The following DLGAP2 variants were observed in gnomAD, a reference collection of about 807,000 sequenced individuals.
The protein encoded by DLGAP2 is disks large-associated protein 2.
A neutral mutation model predicts 100.3 loss-of-function variants in DLGAP2; 26 were observed. The observed-to-expected ratio is 0.26, with a 90% CI of 0.19 to 0.36. The LOEUF (loss-of-function observed/expected upper bound fraction) is 0.36. DLGAP2 is among the 10% of genes least tolerant of loss of function. DLGAP2 has a pLI of 1.00. For synonymous variants in DLGAP2, 886 were observed against 630.1 expected, an observed-to-expected ratio of 1.41 and a Z score of -6.08; for missense variants, 1,858 against 1,453.2, an observed-to-expected ratio of 1.28 and a Z score of -4.53.
intron 1 of DLGAP2, among the ~76,000 whole-genome samples, chr8:797,338 C>G (rs1243109230): frequency 2.0e-5 from 3 of 152,240 alleles, no homozygotes; most frequent in African/African-American, 4.8e-5. Flanking sequence ...TTATTTCACT[C>G]AATGTAGCGT....
rs568933412 is a variant in DLGAP2 at position 1,477,107 on chromosome 8, A to C, written c.107-24259A>C. The stretch of plus-strand genomic sequence containing the variant: ...TCACTGCCGCAGGCACTGCACACAT[A>C]GCCTTTTATCTCAAGAGGGCTTGAC... On this transcript the variant is annotated intron_variant, in intron 3 of 14. Coordinates refer to ENST00000637795, the MANE Select transcript of DLGAP2 (RefSeq NM_001346810.2). 1.2e-4 allele frequency among the ~76,000 whole-genome samples: 18 copies of C among 144,576 alleles called. 1 individual carries two copies. The South Asian group carries it at 4.8e-3, about 38-fold the overall frequency. The allele number at this position is 144,576 out of a possible 152,430, so 94.8% of individuals were successfully genotyped here. A position where few individuals can be genotyped will look rare whatever the true frequency, so the allele number is the denominator to read the frequency against.
At chr8:872,938 G>A (rs187344257) in intron 1 of DLGAP2, among the ~76,000 whole-genome samples, 122 of 152,224 alleles carry the variant, frequency 8.0e-4, no homozygotes, top group Non-Finnish European at 1.2e-3. Flanking sequence ...ATGGCAAAAG[G>A]CTATTTTTGC....
intron 2 of DLGAP2, among the ~76,000 whole-genome samples, chr8:1,071,239 C>A (rs1344611483): frequency 6.6e-6 from 1 of 152,182 alleles, no homozygotes; most frequent in Non-Finnish European, 1.5e-5. Context: ...CTAGAGTAAC[C>A]CAGCATTAAG....
At chr8:869,424 T>A (rs1463742039) in intron 1 of DLGAP2, among the ~76,000 whole-genome samples, 1 of 152,206 alleles carries the variant, frequency 6.6e-6, no homozygotes. Context: ...GTGTTTTCTC[T>A]TTCAGCAAAA....
chr8:1,312,230 C>A (rs1013662942), intron 3 of DLGAP2, among the ~76,000 whole-genome samples: 1 of 152,182 alleles, frequency 6.6e-6, no homozygotes, highest in Non-Finnish European at 1.5e-5. Context: ...ATATAAAACA[C>A]AGGGTCTAGA....
chr8:928,685 C>T (rs1798873343), intron 2 of DLGAP2, among the ~76,000 whole-genome samples: 1 of 152,118 alleles, frequency 6.6e-6, no homozygotes, highest in African/African-American at 2.4e-5. Context: ...CTTTGCCTTG[C>T]ACCCCGGGTC....
intron 3 of DLGAP2, among the ~76,000 whole-genome samples, chr8:1,428,756 G>A (rs1157214180): frequency 1.3e-5 from 2 of 152,226 alleles, no homozygotes; most frequent in Non-Finnish European, 2.9e-5. Context: ...AAGCTTTGCA[G>A]GCAGGAAGAG....
At chr8:779,021 G>T (rs981595355) in intron 1 of DLGAP2, among the ~76,000 whole-genome samples, 2 of 152,268 alleles carry the variant, frequency 1.3e-5, no homozygotes, top group Admixed American at 6.5e-5. Flanking sequence ...CTCTGAGCCA[G>T]GTGCAGGATA....
At position 1,267,595 on chromosome 8, in the gene DLGAP2, AG is replaced by A. The variant is rs1188656439; in HGVS notation, c.106+8713del. Among the ~76,000 whole-genome samples the A allele has an allele frequency of 4.9e-4, 25 of 51,074 alleles. 1 individual carries two copies. The highest frequency in any genetic ancestry group is 1.3e-3 in the African/African-American group (14 of 10,566). The allele number at this position is 51,074 out of a possible 152,430, so 33.5% of individuals were successfully genotyped here. A position where few individuals can be genotyped will look rare whatever the true frequency, so the allele number is the denominator to read the frequency against. The stretch of plus-strand genomic sequence containing the variant: ...AAATAAAATAAAATAAAATAAGATA[AG>A]ATAAGATAAGATAAGATAAGATAAG... On this transcript the variant is annotated intron_variant, in intron 3 of 14. Coordinates refer to ENST00000637795, the MANE Select transcript of DLGAP2 (RefSeq NM_001346810.2).
chr8:1,160,059 C>G (rs534158243), intron 2 of DLGAP2, among the ~76,000 whole-genome samples: 2 of 152,224 alleles, frequency 1.3e-5, no homozygotes, highest in African/African-American at 4.8e-5. Flanking sequence ...TGAGCCCCCA[C>G]GGCACCTCAC....
intron 8 of DLGAP2, among the ~76,000 whole-genome samples, chr8:1,636,694 A>T (rs550372937): frequency 4.6e-5 from 7 of 152,230 alleles, no homozygotes; most frequent in African/African-American, 1.4e-4. Flanking sequence ...GGAAATTTTC[A>T]TCGTGGACTA....
chr8:1,211,823 C>T lies in DLGAP2; in HGVS notation c.74-47028C>T, dbSNP rs531697013. Among the ~76,000 whole-genome samples, 18 of 152,246 alleles carry T rather than the reference C, an allele frequency of 1.2e-4. No homozygotes were observed. In the South Asian group the frequency reaches 1.2e-3, roughly 11 times the overall value. On this transcript the variant is annotated intron_variant, in intron 2 of 14. Coordinates refer to ENST00000637795, the MANE Select transcript of DLGAP2 (RefSeq NM_001346810.2). Reference sequence around the variant, plus strand: ...CCGGGAGGTGGAGGTTGCAGTGAGCCGATATCGTGCCATTGCACTCCAGCC... The same window carrying T: ...CCGGGAGGTGGAGGTTGCAGTGAGCTGATATCGTGCCATTGCACTCCAGCC...
chr8:1,333,091 C>T (rs901054950), intron 3 of DLGAP2, among the ~76,000 whole-genome samples: 4 of 152,308 alleles, frequency 2.6e-5, no homozygotes, highest in Non-Finnish European at 4.4e-5. Context: ...GCTCTTCATG[C>T]CTCCGGGCGG....
intron 2 of DLGAP2, among the ~76,000 whole-genome samples, chr8:1,094,635 C>T (rs1202450491): frequency 6.6e-6 from 1 of 152,196 alleles, no homozygotes; most frequent in Non-Finnish European, 1.5e-5. Flanking sequence ...TATGAGGCTT[C>T]TTTAGGGATT....
chr8:1,451,303 C>A (rs1798153827), intron 3 of DLGAP2, among the ~76,000 whole-genome samples: 1 of 152,118 alleles, frequency 6.6e-6, no homozygotes, highest in Non-Finnish European at 1.5e-5. Context: ...CAGACTCAGT[C>A]CCTGGGGGAG....
intron 1 of DLGAP2, among the ~76,000 whole-genome samples, chr8:748,238 G>A (rs1820699536): frequency 7.0e-6 from 1 of 141,928 alleles, no homozygotes; most frequent in South Asian, 2.2e-4. Context: ...GGTGGGATGG[G>A]CGGGTCTGCG....
At position 1,048,149 on chromosome 8, in the gene DLGAP2, G is replaced by C. The variant is rs185830151; in HGVS notation, c.73+140183G>C. ...CTAAGCCTCAGATTTTTAATCTACA[G>C]AATACAAACGAACTGGATAGAACTG... On this transcript the variant is annotated intron_variant, in intron 2 of 14. Transcript: ENST00000637795. Among the ~76,000 whole-genome samples, 6 of 152,202 alleles carry C rather than the reference G, an allele frequency of 3.9e-5. No individual in the cohort carries two copies. In the East Asian group the frequency reaches 1.2e-3, roughly 30 times the overall value.
At chr8:1,165,268 GGAGACA>G (rs1796992729) in intron 2 of DLGAP2, among the ~76,000 whole-genome samples, 2 of 151,646 alleles carry the variant, frequency 1.3e-5, no homozygotes, top group South Asian at 4.2e-4. Flanking sequence ...GGAGAAGAAG[GGAGACA>G]GAGACAGAGA....
rs1453171760 is a variant in DLGAP2 at position 1,548,994 on chromosome 8, G to A, written c.541G>A (p.Ala181Thr). Reference protein sequence around the residue: ...DTRDDCAVAHAGAKINRIPAN... With the variant: ...DTRDDCAVAHTGAKINRIPAN... ...GCGCGACGACTGCGCTGTGGCCCACGCGGGCGCCAAGATCAACCGCATCCC... is the reference window on the plus strand; with the variant it reads ...GCGCGACGACTGCGCTGTGGCCCACACGGGCGCCAAGATCAACCGCATCCC... Residue 181 changes from alanine (A) to threonine (T), a missense_variant, in exon 5 of 15, where the codon GCG becomes ACG. By Grantham distance (58) the Ala-to-Thr change is moderately conservative (BLOSUM62 0). Coordinates refer to ENST00000637795, the MANE Select transcript of DLGAP2 (RefSeq NM_001346810.2). The A allele has an allele frequency of 1.9e-6, 3 of 1,599,050 alleles. No homozygotes were observed. Among genetic ancestry groups the A allele is most frequent in the Non-Finnish European group, 2.5e-6 (3 of 1,179,024 alleles).
Sources: gnomAD v4.1 joint callset for allele counts (sites outside exome capture counted in the v4.1 genomes callset) on GRCh38, gnomAD v4.1.1 for gene constraint, MANE v1.5 for transcripts, NCBI Gene and HGNC (gene_info 2026-07-23, HGNC 2026-07-21) for gene names.